The following CUX1 variants were observed in gnomAD, a reference collection of about 807,000 sequenced individuals.
CUX1 encodes the protein protein CASP.
CUX1 carries 31 observed loss-of-function variants against 158.8 expected under a neutral mutation model. The observed-to-expected ratio is 0.20, with a 90% confidence interval of 0.15 to 0.26. CUX1 has a LOEUF of 0.26. Among genes scored for constraint, CUX1 ranks in the 10% least tolerant of loss-of-function variants. CUX1 has a pLI of 1.00. For synonymous variants in CUX1, 879 were observed against 862.1 expected, an observed-to-expected ratio of 1.02 and a Z score of -0.34; for missense variants, 1,589 against 2,014.6, an observed-to-expected ratio of 0.79 and a Z score of 4.04.
chr7:102,248,634 G>A lies in CUX1; in HGVS notation c.4110G>A (p.Ala1370=), dbSNP rs1432553811. The change falls in exon 24 of 24, where the codon GCG becomes GCA. Residue 1370 remains alanine, a synonymous_variant. Transcript: ENST00000292535. This position sits in a 1 kb window ranked among gnomAD's most constrained non-coding sequence, Gnocchi z 5.8. Reference sequence around the variant, plus strand: ...AGCGGGAGGAGGTGCCGCGGCCGGCGGAGCAGACGGAGCCGCCGCCCTCGG... The same window carrying A: ...AGCGGGAGGAGGTGCCGCGGCCGGCAGAGCAGACGGAGCCGCCGCCCTCGG... The part of the protein sequence containing the change: ...EAEREEVPRP[A]EQTEPPPSGT... 2.9e-5 allele frequency: 40 copies of A among 1,398,218 alleles called. No individual in the cohort carries two copies. The highest frequency in any genetic ancestry group is 3.4e-5 in the Non-Finnish European group (37 of 1,080,952). 86.6% of individuals were successfully genotyped at this position (1,398,218 alleles called of 1,614,324 possible).
intron 1 of CUX1, among the ~76,000 whole-genome samples, chr7:101,848,693 G>C (rs1795957415): frequency 6.6e-6 from 1 of 151,844 alleles, no homozygotes; most frequent in African/African-American, 2.4e-5. Context: ...ATTTCTAGTA[G>C]CTTTGTTAAG....
chr7:101,914,478 T>C (rs1484084581), intron 1 of CUX1, among the ~76,000 whole-genome samples: 1 of 142,802 alleles, frequency 7.0e-6, no homozygotes, highest in Non-Finnish European at 1.5e-5. Context: ...TTCCTTCCCT[T>C]CTTCCTTCCT....
rs998473631 is a variant in CUX1, at chr7:102,189,101, C to T, written c.1018-712C>T. 7.2e-5 allele frequency among the ~76,000 whole-genome samples: 11 copies of T among 152,144 alleles called. 1 individual carries two copies. The highest frequency in any genetic ancestry group is 2.7e-4 in the African/African-American group (11 of 41,420). ...GGGTTCAGGAGTGGAAAGGCCTTTGCCCTGATGCCTATCTGATGCCTACTC... is the reference window on the plus strand; with the variant it reads ...GGGTTCAGGAGTGGAAAGGCCTTTGTCCTGATGCCTATCTGATGCCTACTC... On this transcript the variant is annotated intron_variant, in intron 11 of 23. Coordinates refer to ENST00000292535, the MANE Select transcript of CUX1 (RefSeq NM_181552.4).
chr7:102,053,147 A>G (rs1458791651), intron 3 of CUX1, among the ~76,000 whole-genome samples: 4 of 151,978 alleles, frequency 2.6e-5, no homozygotes, highest in African/African-American at 9.7e-5. Flanking sequence ...ATCCCAGTGG[A>G]TGTTGTGGTA....
rs548441061 is a variant in CUX1 at position 102,077,534 on chromosome 7, A to AT, written c.268+7117_268+7118insT. Among the ~76,000 whole-genome samples, 234 of 151,274 alleles carry AT rather than the reference A, an allele frequency of 1.5e-3. 1 individual carries two copies. Among genetic ancestry groups the AT allele is most frequent in the Admixed American group, 3.2e-3 (48 of 15,142 alleles). Reference sequence around the variant, plus strand: ...GCAAAACCCCCCATCTCTTTAAAAAAAAAAAAAAAAAAAAAGATGAACAAG... The same window carrying AT: ...GCAAAACCCCCCATCTCTTTAAAAAATAAAAAAAAAAAAAAAGATGAACAAG... On this transcript the variant is annotated intron_variant, in intron 4 of 23. Coordinates refer to ENST00000292535, the MANE Select transcript of CUX1 (RefSeq NM_181552.4).
intron 2 of CUX1, among the ~76,000 whole-genome samples, chr7:101,985,508 C>G (rs1313877388): frequency 1.3e-5 from 2 of 152,202 alleles, no homozygotes; most frequent in East Asian, 3.9e-4. Flanking sequence ...GCTGCAAACT[C>G]CACATCTTCC....
At chr7:102,057,015 C>T (rs976379794) in intron 3 of CUX1, among the ~76,000 whole-genome samples, 1 of 151,720 alleles carries the variant, frequency 6.6e-6, no homozygotes, top group Non-Finnish European at 1.5e-5. Context: ...GATTCTCCTG[C>T]CTCAGCCTCC....
At chr7:102,018,400 C>A (rs1403950984) in intron 2 of CUX1, among the ~76,000 whole-genome samples, 1 of 152,246 alleles carries the variant, frequency 6.6e-6, no homozygotes, top group African/African-American at 2.4e-5. Context: ...TACCACTGAT[C>A]CCCTGGCCAT....
At chr7:102,151,313 G>A (rs1554503507) in intron 8 of CUX1, among the ~76,000 whole-genome samples, 1 of 152,134 alleles carries the variant, frequency 6.6e-6, no homozygotes, top group African/African-American at 2.4e-5. Flanking sequence ...AGCACTTTGG[G>A]AGGCCGAGGC....
chr7:101,817,305 C>T (rs1269872825), upstream of CUX1: 3 of 984,380 alleles, frequency 3.0e-6, no homozygotes, highest in Non-Finnish European at 3.6e-6. The surrounding 1 kb of genome is among the most constrained non-coding windows in gnomAD (Gnocchi z 4.1). Flanking sequence ...TCCTTGCGTC[C>T]CCTCGGGGCT....
At chr7:102,205,303 C>T in intron 20 of CUX1, 133 bp downstream of exon 20, 1 of 685,592 alleles carries the variant, frequency 1.5e-6, no homozygotes, top group Non-Finnish European at 2.6e-6. Context: ...ATATGGCATC[C>T]TATCTGCAAA....
At chr7:101,843,487 T>C (rs1304809224) in intron 1 of CUX1, among the ~76,000 whole-genome samples, 1 of 152,242 alleles carries the variant, frequency 6.6e-6, no homozygotes, top group African/African-American at 2.4e-5. Flanking sequence ...AGTTGTGCAA[T>C]CTATTTTATT....
chr7:101,862,452 G>T (rs11773426), intron 1 of CUX1, among the ~76,000 whole-genome samples: 1 of 152,140 alleles, frequency 6.6e-6, no homozygotes, highest in Non-Finnish European at 1.5e-5. Context: ...TCCAGCCTGC[G>T]GTTGTCCTTC....
intron 1 of CUX1, among the ~76,000 whole-genome samples, chr7:101,867,102 A>C (rs1473300759): frequency 6.6e-6 from 1 of 152,120 alleles, no homozygotes; most frequent in African/African-American, 2.4e-5. Context: ...CTGTAATCCC[A>C]CCTACCCGGG....
intron 6 of CUX1, among the ~76,000 whole-genome samples, chr7:102,106,079 C>CTTTTTTTTTTTTTT (rs782580660): frequency 1.4e-5 from 1 of 72,270 alleles, no homozygotes; most frequent in Admixed American, 1.6e-4. Context: ...TTTCTTTTTT[C>CTTTTTTTTTTTTTT]TTTTTTTTTT....
intron 1 of CUX1, among the ~76,000 whole-genome samples, chr7:101,833,971 G>A (rs1794346519): frequency 6.6e-6 from 1 of 151,976 alleles, no homozygotes; most frequent in African/African-American, 2.4e-5. Context: ...GTGGGGTGCT[G>A]GGCCGGCCCC....
intron 3 of CUX1, among the ~76,000 whole-genome samples, chr7:102,050,245 ATC>A (rs1294747630): frequency 6.6e-6 from 1 of 152,206 alleles, no homozygotes; most frequent in Non-Finnish European, 1.5e-5. Context: ...ATAACAGGAA[ATC>A]TCTCTCGCAG....
chr7:102,091,750 T>TTTTGG (rs1303101420), intron 4 of CUX1, among the ~76,000 whole-genome samples: 45 of 152,166 alleles, frequency 3.0e-4, no homozygotes, highest in Middle Eastern at 3.4e-3. Flanking sequence ...AGTACTACAG[T>TTTTGG]TTTGGTTTGG....
At position 102,250,661 on chromosome 7, in the gene CUX1, C is replaced by T. The variant is rs1389419108; in HGVS notation, c.*1619C>T. On this transcript the variant is annotated 3_prime_UTR_variant, in exon 24 of 24. Coordinates refer to ENST00000292535, the MANE Select transcript of CUX1 (RefSeq NM_181552.4). ...ACCATTTGCCCTTCTTTCATTTCGC[C>T]TCTTAGTTCTTTTTATGCACAGTTT... The T allele has an allele frequency of 1.0e-6, 1 of 985,274 alleles. No individual in the cohort carries two copies. The highest frequency in any genetic ancestry group is 1.7e-5 in the African/African-American group (1 of 57,216). The allele number at this position is 985,274 out of a possible 1,614,324, so 61.0% of individuals were successfully genotyped here.
Sources: gnomAD v4.1 joint callset for allele counts (sites outside exome capture counted in the v4.1 genomes callset) on GRCh38, gnomAD v4.1.1 for gene constraint, Gnocchi (gnomAD v3.1) non-coding constraint, MANE v1.5 for transcripts, NCBI Gene and HGNC (gene_info 2026-07-23, HGNC 2026-07-21) for gene names.